Variants in ZNF804B observed in about 807,000 individuals in gnomAD.
ZNF804B encodes the protein zinc finger protein 804B, also known as zinc finger 804B.
Under a neutral mutation model 101.4 loss-of-function variants are expected in ZNF804B, and 80 were observed. The ratio of observed to expected loss-of-function variants is 0.79; its 90% CI spans 0.66 to 0.95. ZNF804B has a LOEUF of 0.95. Ranked by LOEUF, ZNF804B falls within the 40% of genes least tolerant of loss-of-function variation. The probability of loss-of-function intolerance (pLI) is 0.00; values close to 1 mark genes in which losing one functional copy is unlikely to be tolerated. For synonymous variants in ZNF804B, 622 were observed against 558.8 expected, an observed-to-expected ratio of 1.11 and a Z score of -1.59; for missense variants, 1,673 against 1,561.9, an observed-to-expected ratio of 1.07 and a Z score of -1.20.
intron 1 of ZNF804B, among the ~76,000 whole-genome samples, chr7:88,842,886 T>C (rs867745853): frequency 6.6e-6 from 1 of 152,212 alleles, no homozygotes; most frequent in Non-Finnish European, 1.5e-5. Context: ...ATAATTTTTA[T>C]TTTAGTTGTT....
intron 1 of ZNF804B, among the ~76,000 whole-genome samples, chr7:89,058,613 A>G (rs2116277778): frequency 6.6e-6 from 1 of 152,242 alleles, no homozygotes; most frequent in East Asian, 1.9e-4. Flanking sequence ...CTGGTAGTAC[A>G]TGAAGGGAAA....
chr7:89,272,743 T>C (rs1789917222), intron 2 of ZNF804B, among the ~76,000 whole-genome samples: 1 of 152,114 alleles, frequency 6.6e-6, no homozygotes, highest in South Asian at 2.1e-4. Flanking sequence ...TTCCCTCTTA[T>C]AGATTTATAG....
At chr7:89,320,274 A>C (rs919578148) in intron 2 of ZNF804B, among the ~76,000 whole-genome samples, 3 of 152,180 alleles carry the variant, frequency 2.0e-5, no homozygotes, top group Non-Finnish European at 4.4e-5. Flanking sequence ...ATATTAAAGG[A>C]TTTAGTGGAA....
At chr7:89,232,219 G>A (rs1789203965) in intron 2 of ZNF804B, among the ~76,000 whole-genome samples, 1 of 151,944 alleles carries the variant, frequency 6.6e-6, no homozygotes, top group African/African-American at 2.4e-5. Flanking sequence ...CTGTTAATGT[G>A]GTATAAGATA....
chr7:89,055,774 C>G (rs7788910), intron 1 of ZNF804B, among the ~76,000 whole-genome samples: 117,549 of 151,842 alleles, frequency 0.77, 45,588 homozygotes, highest in African/African-American at 0.79. Flanking sequence ...AGGTTTGCTG[C>G]AAAAAATCAA....
Position 88,759,915 on chromosome 7 carries a change from C to T in ZNF804B, c.-62C>T. 1.4e-6 allele frequency: 2 copies of T among 1,476,316 alleles called. No individual in the cohort carries two copies. Among genetic ancestry groups the T allele is most frequent in the Non-Finnish European group, 1.9e-6 (2 of 1,059,006 alleles). The allele number at this position is 1,476,316 out of a possible 1,614,324, so 91.5% of individuals were successfully genotyped here. On this transcript the variant is annotated 5_prime_UTR_variant, in exon 1 of 4. Transcript: ENST00000333190. ...TCGCTGTTGCCGCTGAGAAACCCGCCCGCTTTCCACGGCTGGTCGCCTGGT... is the reference window on the plus strand; with the variant it reads ...TCGCTGTTGCCGCTGAGAAACCCGCTCGCTTTCCACGGCTGGTCGCCTGGT...
At chr7:89,274,513 G>A (rs189068299) in intron 2 of ZNF804B, among the ~76,000 whole-genome samples, 9 of 150,560 alleles carry the variant, frequency 6.0e-5, no homozygotes, top group Non-Finnish European at 1.0e-4. Context: ...TGGCTGCATA[G>A]TATTCCATGG....
intron 1 of ZNF804B, among the ~76,000 whole-genome samples, chr7:88,998,664 T>C (rs1203751347): frequency 6.6e-6 from 1 of 152,030 alleles, no homozygotes; most frequent in African/African-American, 2.4e-5. Flanking sequence ...CCCTATGATA[T>C]GAATTTTGAG....
At chr7:88,809,278 T>C (rs911983906) in intron 1 of ZNF804B, among the ~76,000 whole-genome samples, 10 of 152,160 alleles carry the variant, frequency 6.6e-5, no homozygotes, top group African/African-American at 1.9e-4. Flanking sequence ...ATTTTATGTA[T>C]GTATACAGAA....
At chr7:88,911,827 T>C (rs886603461) in intron 1 of ZNF804B, among the ~76,000 whole-genome samples, 4 of 151,868 alleles carry the variant, frequency 2.6e-5, no homozygotes, top group African/African-American at 9.7e-5. Context: ...CTGAATTTTG[T>C]TGTTATAAGA....
intron 1 of ZNF804B, among the ~76,000 whole-genome samples, chr7:89,143,643 T>C (rs1013975486): frequency 2.0e-5 from 3 of 152,112 alleles, no homozygotes; most frequent in African/African-American, 7.2e-5. Context: ...CTTCCACTAA[T>C]CTTCACCATA....
At chr7:89,004,432 CTTTAT>C (rs1197386562) in intron 1 of ZNF804B, among the ~76,000 whole-genome samples, 1 of 151,746 alleles carries the variant, frequency 6.6e-6, no homozygotes, top group Non-Finnish European at 1.5e-5. Flanking sequence ...GGGAATGTGA[CTTTAT>C]TTTATGAAGC....
At chr7:89,109,245 ACTGT>A (rs567845855) in intron 1 of ZNF804B, among the ~76,000 whole-genome samples, 386 of 152,284 alleles carry the variant, frequency 2.5e-3, no homozygotes, top group African/African-American at 8.6e-3. Context: ...AATGTATTTT[ACTGT>A]CTATTCGTTA....
At chr7:88,789,386 A>G (rs896013293) in intron 1 of ZNF804B, among the ~76,000 whole-genome samples, 1 of 152,122 alleles carries the variant, frequency 6.6e-6, no homozygotes, top group African/African-American at 2.4e-5. Context: ...ACAAGACCCT[A>G]AATGGGAGAA....
intron 1 of ZNF804B, among the ~76,000 whole-genome samples, chr7:89,074,289 A>G (rs1158609708): frequency 6.6e-6 from 1 of 152,210 alleles, no homozygotes; most frequent in East Asian, 1.9e-4. Context: ...TGAAAAAATC[A>G]ATAATATAGT....
At chr7:88,839,470 C>A (rs770678227) in intron 1 of ZNF804B, among the ~76,000 whole-genome samples, 1 of 151,904 alleles carries the variant, frequency 6.6e-6, no homozygotes, top group Non-Finnish European at 1.5e-5. Flanking sequence ...CAATGTTGCA[C>A]AGCTATTAGG....
At chr7:89,129,407 C>T (rs998232375) in intron 1 of ZNF804B, among the ~76,000 whole-genome samples, 2 of 151,780 alleles carry the variant, frequency 1.3e-5, no homozygotes, top group Non-Finnish European at 2.9e-5. Context: ...TTCTTTAAAC[C>T]ACAAAGTACA....
At chr7:89,039,403 G>A (rs1488349220) in intron 1 of ZNF804B, among the ~76,000 whole-genome samples, 2 of 151,630 alleles carry the variant, frequency 1.3e-5, no homozygotes, top group Non-Finnish European at 2.9e-5. Flanking sequence ...TTAGTTTTTA[G>A]TGTACAGATC....
chr7:88,945,845 G>GT (rs1301900443), intron 1 of ZNF804B, among the ~76,000 whole-genome samples: 1 of 152,008 alleles, frequency 6.6e-6, no homozygotes, highest in Non-Finnish European at 1.5e-5. Flanking sequence ...TATTCTCTTT[G>GT]TAGCAATTGT....
Sources: allele counts gnomAD v4.1 joint callset (sites outside exome capture counted in the v4.1 genomes callset), GRCh38; gene constraint gnomAD v4.1.1; transcripts MANE v1.5; gene names NCBI Gene and HGNC (gene_info 2026-07-23, HGNC 2026-07-21).